GUCY1B1: variants seen among roughly 807,000 people sequenced by gnomAD.
The protein encoded by GUCY1B1 is guanylate cyclase soluble subunit beta-1.
GUCY1B1 carries 43 observed loss-of-function variants against 71.0 expected under a neutral mutation model. The ratio of observed to expected loss-of-function variants is 0.61; its 90% CI spans 0.47 to 0.78. GUCY1B1 has a LOEUF of 0.78. Among genes scored for constraint, GUCY1B1 ranks in the 30% least tolerant of loss-of-function variants. The pLI is 0.00. For synonymous variants in GUCY1B1, 266 were observed against 259.7 expected, an observed-to-expected ratio of 1.02 and a Z score of -0.23; for missense variants, 535 against 754.1, an observed-to-expected ratio of 0.71 and a Z score of 3.40.
At chr4:155,793,115 G>T (rs911495974) in intron 5 of GUCY1B1, among the ~76,000 whole-genome samples, 1 of 151,718 alleles carries the variant, frequency 6.6e-6, no homozygotes, top group African/African-American at 2.4e-5. Flanking sequence ...TCGTTCTGTC[G>T]CCCAGGCTGG....
In GUCY1B1 at chr4:155,770,412, C is replaced by T. The variant is rs75006558; in HGVS notation, c.78-4556C>T. On this transcript the variant is annotated intron_variant, in intron 2 of 13. Transcript: ENST00000264424. Reference sequence around the variant, plus strand: ...TTAAAACATTTGACAGCATGAAGTCCGATTATATATAAATTTACCTAAAAG... The same window carrying T: ...TTAAAACATTTGACAGCATGAAGTCTGATTATATATAAATTTACCTAAAAG... 2.4e-3 allele frequency among the ~76,000 whole-genome samples: 365 copies of T among 151,978 alleles called. 1 individual carries two copies. The highest frequency in any genetic ancestry group is 8.3e-3 in the African/African-American group (343 of 41,430).
chr4:155,772,477 A>C (rs1167298871), intron 2 of GUCY1B1: 2 of 411,290 alleles, frequency 4.9e-6, no homozygotes, highest in Non-Finnish European at 8.9e-6. Flanking sequence ...TGCAGTGGCA[A>C]GATCACGCCT....
At position 155,796,423 on chromosome 4, in the gene GUCY1B1, CT is replaced by C; in HGVS notation, c.891del (p.Thr299LeufsTer12). The C allele has an allele frequency of 6.2e-7, 1 of 1,612,758 alleles. No homozygotes were observed. Among genetic ancestry groups the C allele is most frequent in the Admixed American group, 1.7e-5 (1 of 59,994 alleles). On this transcript the variant is annotated frameshift_variant, in exon 8 of 14. Coordinates refer to ENST00000264424, the MANE Select transcript of GUCY1B1 (RefSeq NM_000857.5). LOFTEE classifies it high-confidence loss of function. ...VEKLECEDELTGTEISCLRLK... is the reference protein window; with the variant it reads ...VEKLECEDELXGTEISCLRLK... ...AAATTAGAATGTGAGGATGAACTGA[CT>C]GGGACTGAGATCAGCTGCTTACGTC...
intron 8 of GUCY1B1, among the ~76,000 whole-genome samples, chr4:155,797,789 A>C (rs937393735): frequency 2.0e-5 from 3 of 146,596 alleles, no homozygotes; most frequent in African/African-American, 7.5e-5. Flanking sequence ...AGTACATTTA[A>C]GATTAATTAA....
intron 4 of GUCY1B1, 112 bp from the exon 5 acceptor site, chr4:155,789,602 G>C: frequency 1.6e-6 from 1 of 607,690 alleles, no homozygotes; most frequent in East Asian, 2.6e-5. Context: ...GTGCTGCTTC[G>C]CTGATCTGCC....
At chr4:155,793,735 T>C (rs1180495676) in intron 5 of GUCY1B1, 121 bp from the exon 6 acceptor site, 4 of 601,916 alleles carry the variant, frequency 6.6e-6, no homozygotes, top group Middle Eastern at 4.4e-4. Flanking sequence ...TTTGCATATA[T>C]GTTTTGAATT....
At chr4:155,778,505 AT>A (rs1267293343) in intron 4 of GUCY1B1, among the ~76,000 whole-genome samples, 3 of 152,242 alleles carry the variant, frequency 2.0e-5, no homozygotes, top group Admixed American at 2.0e-4. Context: ...TTTTGAGGGA[AT>A]GTAAACTACT....
chr4:155,792,814 C>G (rs944414235), intron 5 of GUCY1B1, among the ~76,000 whole-genome samples: 5 of 151,972 alleles, frequency 3.3e-5, no homozygotes, highest in African/African-American at 1.2e-4. Context: ...AGAGGAAAAT[C>G]TATACTTTAA....
intron 4 of GUCY1B1, among the ~76,000 whole-genome samples, chr4:155,784,036 A>ATAG (rs1231662851): frequency 1.3e-5 from 2 of 152,184 alleles, no homozygotes; most frequent in Non-Finnish European, 2.9e-5. Context: ...GTAGTATTAT[A>ATAG]TAGACTGGAT....
In GUCY1B1 at chr4:155,800,087, C is replaced by T. The variant is rs374246293; in HGVS notation, c.1175+13C>T. ...AAAAGACAGACACGTAAGAATGTAA[C>T]GCTTGGAGCACTACTGTTATTCATA... On this transcript the variant is annotated intron_variant, in intron 9 of 13. Coordinates refer to ENST00000264424, the MANE Select transcript of GUCY1B1 (RefSeq NM_000857.5). 1.5e-5 allele frequency: 23 copies of T among 1,566,888 alleles called. No individual in the cohort carries two copies. Among genetic ancestry groups the T allele is most frequent in the East Asian group, 4.5e-5 (2 of 44,600 alleles).
At chr4:155,794,663 A>G (rs1476850900) in intron 6 of GUCY1B1, among the ~76,000 whole-genome samples, 2 of 152,192 alleles carry the variant, frequency 1.3e-5, no homozygotes, top group African/African-American at 2.4e-5. Context: ...GGAGTTGTAT[A>G]TGGCATACGT....
chr4:155,792,043 C>T (rs1332892930), intron 5 of GUCY1B1, among the ~76,000 whole-genome samples: 1 of 152,106 alleles, frequency 6.6e-6, no homozygotes, highest in East Asian at 1.9e-4. Flanking sequence ...AAATTCTCTT[C>T]TGACCATTTA....
intron 1 of GUCY1B1, 116 bp from the exon 2 acceptor site, chr4:155,759,670 AG>A (rs1291746688): frequency 8.8e-6 from 6 of 680,800 alleles, no homozygotes; most frequent in Non-Finnish European, 1.3e-5. Context: ...GAGAGGAGTC[AG>A]GGGCGGGGTG....
chr4:155,785,290 T>G, intron 4 of GUCY1B1: 1 of 1,469,314 alleles, frequency 6.8e-7, no homozygotes, highest in Non-Finnish European at 9.2e-7. Flanking sequence ...ATATTTCAGA[T>G]TTACATCATT....
chr4:155,800,015 C>T lies in GUCY1B1; in HGVS notation c.1116C>T (p.Leu372=), dbSNP rs377347968. 2.1e-5 allele frequency: 34 copies of T among 1,613,530 alleles called. No individual in the cohort carries two copies. In the Admixed American group the frequency reaches 5.5e-4, roughly 26 times the overall value. ...EYKLTQELEI[L]TDRLQLTLRA... is the part of the protein sequence containing the mutation. Reference sequence around the variant, plus strand: ...AACTCACCCAAGAACTGGAAATCCTCACTGACAGGCTACAGCTCACGTTAA... The same window carrying T: ...AACTCACCCAAGAACTGGAAATCCTTACTGACAGGCTACAGCTCACGTTAA... Residue 372 remains leucine (L), a synonymous_variant, in exon 9 of 14, where the codon CTC becomes CTT. Coordinates refer to ENST00000264424, the MANE Select transcript of GUCY1B1 (RefSeq NM_000857.5).
chr4:155,774,814 T>TCTAAAA (rs1307994832), intron 2 of GUCY1B1, among the ~76,000 whole-genome samples, 154 bp from the exon 3 acceptor site: 1 of 152,216 alleles, frequency 6.6e-6, no homozygotes, highest in African/African-American at 2.4e-5. Flanking sequence ...CTCACTAGAA[T>TCTAAAA]TTTAGGTACA....
chr4:155,797,581 T>C (rs1362299955), intron 8 of GUCY1B1, among the ~76,000 whole-genome samples: 5 of 151,532 alleles, frequency 3.3e-5, no homozygotes, highest in Non-Finnish European at 7.4e-5. Context: ...CTACTAAAAA[T>C]ACAAAAATTA....
intron 2 of GUCY1B1, among the ~76,000 whole-genome samples, chr4:155,771,792 A>C (rs1164162532): frequency 1.3e-5 from 2 of 152,198 alleles, no homozygotes; most frequent in Non-Finnish European, 1.5e-5. Context: ...AAAACATCTA[A>C]CTACCTACCA....
At chr4:155,773,405 T>A (rs1391520912) in intron 2 of GUCY1B1, among the ~76,000 whole-genome samples, 3 of 152,222 alleles carry the variant, frequency 2.0e-5, no homozygotes, top group African/African-American at 7.2e-5. Flanking sequence ...ATTTATATAA[T>A]CATGACAACT....
Sources: allele counts gnomAD v4.1 joint callset (sites outside exome capture counted in the v4.1 genomes callset), GRCh38; gene constraint gnomAD v4.1.1; transcripts MANE v1.5; gene names NCBI Gene and HGNC (gene_info 2026-07-23, HGNC 2026-07-21).